Variants in MED23 observed in about 807,000 individuals in gnomAD.
MED23 encodes the protein mediator complex subunit 23.
A neutral mutation model predicts 163.9 loss-of-function variants in MED23; 105 were observed. That is an observed-to-expected ratio of 0.64 (90% CI 0.55 to 0.75). The LOEUF is 0.75. MED23 is among the 30% of genes least tolerant of loss of function. The probability of loss-of-function intolerance (pLI) is 0.00; values close to 1 mark genes in which losing one functional copy is unlikely to be tolerated. For missense variants in MED23, 1,054 were observed against 1,649.0 expected (o/e 0.64, Z 6.25); for synonymous variants, 561 against 565.6 (o/e 0.99, Z 0.12).
At position 131,593,122 on chromosome 6, in the gene MED23, G is replaced by GA. The variant is rs1204042896; in HGVS notation, c.3281dup (p.Asn1095GlnfsTer2). The GA allele has an allele frequency of 3.7e-6, 6 of 1,614,074 alleles. No individual in the cohort carries two copies. Among genetic ancestry groups the GA allele is most frequent in the Non-Finnish European group, 5.1e-6 (6 of 1,180,042 alleles). On this transcript the variant is annotated frameshift_variant, in exon 24 of 29. Coordinates refer to ENST00000368068, the MANE Select transcript of MED23 (RefSeq NM_004830.4). LOFTEE classifies it high-confidence loss of function. ...GGGCAGCTGGGTTGGGAAACTCATT[G>GA]AATCTCCAGTCACAGTTTGGAAAGG...
chr6:131,615,167 T>TA (rs1453915188), intron 10 of MED23, among the ~76,000 whole-genome samples: 3 of 145,460 alleles, frequency 2.1e-5, no homozygotes, highest in Admixed American at 7.1e-5. Flanking sequence ...ATAACTCTCA[T>TA]ATCCCAAGAA....
Position 131,591,410 on chromosome 6 carries a change from G to A in MED23, c.3589C>T (p.His1197Tyr). Residue 1197 changes from histidine to tyrosine, a missense_variant, in exon 26 of 29, where the codon CAT becomes TAT. By Grantham distance (83) the His-to-Tyr change is moderately conservative. Around this residue, in one of 11 missense-constraint regions of MED23, gnomAD observed 362 missense variants for 471.6 expected, o/e 0.77. Coordinates refer to ENST00000368068, the MANE Select transcript of MED23 (RefSeq NM_004830.4). ...PFRLFDFTAC[H>Y]QSYSEMSCSY... ...CAACTCATCTCAGAGTAGGACTGAT[G>A]ACAGGCAGTGAAATCAAAGAGGCGG... The A allele has an allele frequency of 3.1e-6, 5 of 1,613,806 alleles. No individual in the cohort carries two copies. The highest frequency in any genetic ancestry group is 4.2e-6 in the Non-Finnish European group (5 of 1,179,696).
At position 131,598,865 on chromosome 6, in the gene MED23, C is replaced by T. The variant is rs768088880; in HGVS notation, c.2221-104G>A. 27 of 1,098,548 alleles carry T rather than the reference C, an allele frequency of 2.5e-5. No homozygotes were observed. Among genetic ancestry groups the T allele is most frequent in the Non-Finnish European group, 3.6e-5 (26 of 731,712 alleles). The allele number at this position is 1,098,548 out of a possible 1,614,324, so 68.1% of individuals were successfully genotyped here. ...GACTTGATTCTGACACTAATAAACT[C>T]TAGGTCACCTTGAGCAACTCAGCAA... On this transcript the variant is annotated intron_variant, in intron 18 of 28. Coordinates refer to ENST00000368068, the MANE Select transcript of MED23 (RefSeq NM_004830.4). This position sits in a 1 kb window ranked among gnomAD's most constrained non-coding sequence, Gnocchi z 4.7.
At chr6:131,608,678 T>C (rs1241092465) in intron 11 of MED23, among the ~76,000 whole-genome samples, 1 of 152,120 alleles carries the variant, frequency 6.6e-6, no homozygotes, top group Non-Finnish European at 1.5e-5. Flanking sequence ...AGTGCTGGGA[T>C]TACAGGAGTG....
At position 131,603,149 on chromosome 6, in the gene MED23, G is replaced by A; in HGVS notation, c.1812C>T (p.Leu604=). 2 of 1,613,950 alleles carry A rather than the reference G, an allele frequency of 1.2e-6. No individual in the cohort carries two copies. The highest frequency in any genetic ancestry group is 1.7e-6 in the Non-Finnish European group (2 of 1,179,878). Residue 604 remains leucine, a synonymous_variant, in exon 16 of 29, where the codon CTC becomes CTT. Coordinates refer to ENST00000368068, the MANE Select transcript of MED23 (RefSeq NM_004830.4). ...KSHAWGILHT[L]LEMFSYRMHH... is the part of the protein sequence containing the mutation. ...GCATCCGGTAGCTAAACATCTCAAG[G>A]AGTGTGTGTAAGATCCCCCATGCAT...
chr6:131,602,780 T>C (rs1457519849), intron 16 of MED23, among the ~76,000 whole-genome samples: 3 of 152,062 alleles, frequency 2.0e-5, no homozygotes, highest in Admixed American at 2.0e-4. Context: ...TAATAATAAA[T>C]ACCCTGGAAG....
intron 8 of MED23, among the ~76,000 whole-genome samples, chr6:131,619,207 T>C (rs771571908): frequency 2.6e-5 from 4 of 152,208 alleles, no homozygotes; most frequent in Non-Finnish European, 4.4e-5. Context: ...TCTATTTAGA[T>C]TGTATTTGTA....
intron 30 of MED23, among the ~76,000 whole-genome samples, chr6:131,574,996 T>C (rs2114513148): frequency 6.6e-6 from 1 of 152,296 alleles, no homozygotes; most frequent in South Asian, 2.1e-4. Context: ...GACCTTATAC[T>C]TGTGGCCATT....
intron 30 of MED23, among the ~76,000 whole-genome samples, chr6:131,580,039 T>TTA (rs1773841514): frequency 1.3e-5 from 2 of 152,196 alleles, no homozygotes; most frequent in Non-Finnish European, 2.9e-5. Context: ...TCAGGTTGCA[T>TTA]TATAATTTTC....
chr6:131,598,789 A>G lies in MED23; in HGVS notation c.2221-28T>C. 1 of 1,599,698 alleles carries G rather than the reference A, an allele frequency of 6.3e-7. No homozygotes were observed. Among genetic ancestry groups the G allele is most frequent in the African/African-American group, 1.3e-5 (1 of 74,694 alleles). On this transcript the variant is annotated intron_variant, in intron 18 of 28. Transcript: ENST00000368068. This position sits in a 1 kb window ranked among gnomAD's most constrained non-coding sequence, Gnocchi z 4.7. ...AAAAAGAGGATTAGAAGTTTATTTC[A>G]TTGGTTATAGTAGAAAGAGCACTGG... is the stretch of plus-strand genomic sequence containing the variant.
At chr6:131,604,694 T>G (rs957987887) in intron 14 of MED23, among the ~76,000 whole-genome samples, 5 of 152,226 alleles carry the variant, frequency 3.3e-5, no homozygotes, top group Non-Finnish European at 5.9e-5. Context: ...GACCCAAATG[T>G]TACGTTCTAA....
At chr6:131,582,822 C>A, downstream of MED23, 2 of 927,584 alleles carry the variant, frequency 2.2e-6, no homozygotes, top group Non-Finnish European at 1.8e-6. Context: ...AAGACACACA[C>A]ACACACACAT....
At chr6:131,577,068 T>C (rs2246012) in intron 30 of MED23, among the ~76,000 whole-genome samples, 26,003 of 152,136 alleles carry the variant, frequency 0.17, 2,529 homozygotes, top group East Asian at 0.35. Context: ...AGTATGCTAC[T>C]AGCAAGAGGA....
At position 131,587,932 on chromosome 6, in the gene MED23, G is replaced by C. The variant is rs565086189; in HGVS notation, c.3940-86C>G. 28 of 1,173,222 alleles carry C rather than the reference G, an allele frequency of 2.4e-5. 1 individual carries two copies. In the Admixed American group the frequency reaches 2.6e-4, roughly 11 times the overall value. 72.7% of individuals were successfully genotyped at this position (1,173,222 alleles called of 1,614,324 possible). A position where few individuals can be genotyped will look rare whatever the true frequency, so the allele number is the denominator to read the frequency against. On this transcript the variant is annotated intron_variant, in intron 28 of 28. Coordinates refer to ENST00000368068, the MANE Select transcript of MED23 (RefSeq NM_004830.4). ...AAAGCAGGATTTACACATATCCGGA[G>C]ACAATAAACTAAGGAGTGTCGTGGG...
At position 131,591,447 on chromosome 6, in the gene MED23, A is replaced by G. The variant is rs984021365; in HGVS notation, c.3552T>C (p.Val1184=). The G allele has an allele frequency of 6.2e-7, 1 of 1,613,876 alleles. No homozygotes were observed. The highest frequency in any genetic ancestry group is 8.5e-7 in the Non-Finnish European group (1 of 1,179,876). ...AATCAAAGAGGCGGAATGGATAGCC[A>G]ACCCACTCTGTTTCAGACGTCAAGC... The part of the protein sequence containing the change: ...SPSLTSETEW[V]GYPFRLFDFT... The change falls in exon 26 of 29, where the codon GTT becomes GTC. Residue 1184 remains valine, a synonymous_variant. Coordinates refer to ENST00000368068, the MANE Select transcript of MED23 (RefSeq NM_004830.4).
At position 131,590,433 on chromosome 6, in the gene MED23, A is replaced by T. The variant is rs774403749; in HGVS notation, c.3696T>A (p.Thr1232=). 7 of 1,604,154 alleles carry T rather than the reference A, an allele frequency of 4.4e-6. No individual in the cohort carries two copies. Among genetic ancestry groups the T allele is most frequent in the Non-Finnish European group, 5.1e-6 (6 of 1,171,802 alleles). The change falls in exon 27 of 29, where the codon ACT becomes ACA. Residue 1232 remains threonine (T), a synonymous_variant. Coordinates refer to ENST00000368068, the MANE Select transcript of MED23 (RefSeq NM_004830.4). ...GQLSLIPKFL[T]EVLLPIVKTE... ...TCTTCACTATAGGAAGAAGTACTTC[A>T]GTAAGAAACCTAAAATTTGAAGATA...
chr6:131,597,729 C>T (rs1312989071), intron 20 of MED23, among the ~76,000 whole-genome samples: 1 of 152,070 alleles, frequency 6.6e-6, no homozygotes, highest in East Asian at 1.9e-4. Context: ...ATTTTATTTA[C>T]TTCTGTACCT....
chr6:131,583,108 GGACA>G, downstream of MED23: 1 of 1,613,870 alleles, frequency 6.2e-7, no homozygotes, highest in Non-Finnish European at 8.5e-7. Flanking sequence ...TGACTGAAGT[GGACA>G]GACTAGGAAT....
intron 30 of MED23, among the ~76,000 whole-genome samples, chr6:131,575,766 G>C (rs560910218): frequency 3.9e-5 from 6 of 152,196 alleles, no homozygotes; most frequent in Non-Finnish European, 8.8e-5. Context: ...TAATTGTTCA[G>C]GGGACTGAGG....
Sources: allele counts gnomAD v4.1 joint callset (sites outside exome capture counted in the v4.1 genomes callset), GRCh38; gene constraint gnomAD v4.1.1; regional missense constraint gnomAD v4.1.1; non-coding constraint Gnocchi (gnomAD v3.1); transcripts MANE v1.5; gene names NCBI Gene and HGNC (gene_info 2026-07-23, HGNC 2026-07-21).